SPMIP4: variants seen among roughly 807,000 people sequenced by gnomAD.
SPMIP4 encodes the protein sperm microtubule inner protein 4, also known as sperm-associated microtubule inner protein 4.
At chr7:25,151,839 A>G in the SPMIP4 span, among the ~76,000 whole-genome samples, 1 of 152,174 alleles carries the variant, frequency 6.6e-6, no homozygotes, top group Non-Finnish European at 1.5e-5. Context: ...TTGCTCTTGA[A>G]TTCTTTTTAT....
At chr7:25,167,515 C>T in the SPMIP4 span, among the ~76,000 whole-genome samples, 38 of 152,266 alleles carry the variant, frequency 2.5e-4, no homozygotes, top group East Asian at 5.8e-3. Context: ...GACTGTCAGG[C>T]CTTTTTATTT....
chr7:25,144,385 T>C, the SPMIP4 span, among the ~76,000 whole-genome samples: 4 of 152,372 alleles, frequency 2.6e-5, no homozygotes, highest in African/African-American at 9.6e-5. Flanking sequence ...AGCCAGCCGC[T>C]GGCCCCTGGC....
the SPMIP4 span, among the ~76,000 whole-genome samples, chr7:25,144,767 T>C: frequency 6.6e-6 from 1 of 152,338 alleles, no homozygotes; most frequent in East Asian, 1.9e-4. Flanking sequence ...AGGGTTATGC[T>C]GTTCATAGCA....
the SPMIP4 span, among the ~76,000 whole-genome samples, chr7:25,147,610 T>C: frequency 3.9e-5 from 6 of 152,168 alleles, no homozygotes; most frequent in Non-Finnish European, 8.8e-5. Flanking sequence ...AAACGACATT[T>C]AACACACTGT....
chr7:25,137,409 T>A, the SPMIP4 span, among the ~76,000 whole-genome samples: 1 of 151,980 alleles, frequency 6.6e-6, no homozygotes, highest in Non-Finnish European at 1.5e-5. Context: ...GCGAACCTCA[T>A]GAAACAAGTT....
the SPMIP4 span, among the ~76,000 whole-genome samples, chr7:25,167,305 TTGTC>T: frequency 6.6e-6 from 1 of 152,228 alleles, no homozygotes; most frequent in African/African-American, 2.4e-5. Flanking sequence ...AACTTTATAA[TTGTC>T]TGACCCAAGG....
the SPMIP4 span, among the ~76,000 whole-genome samples, chr7:25,153,815 G>T: frequency 6.6e-6 from 1 of 152,158 alleles, no homozygotes; most frequent in Non-Finnish European, 1.5e-5. Context: ...AGCTAAGCAT[G>T]GTGCTCGATA....
At chr7:25,174,269 T>A in the SPMIP4 span, among the ~76,000 whole-genome samples, 4 of 152,024 alleles carry the variant, frequency 2.6e-5, no homozygotes, top group Non-Finnish European at 5.9e-5. This position sits in a 1 kb window ranked among gnomAD's most constrained non-coding sequence, Gnocchi z 4.5. Flanking sequence ...TCTCTCTCCA[T>A]GTCTCTCTCC....
the SPMIP4 span, chr7:25,179,280 C>T: frequency 6.2e-7 from 1 of 1,613,204 alleles, no homozygotes; most frequent in Non-Finnish European, 8.5e-7. Flanking sequence ...CTCCCTGCAA[C>T]AGTAGGGCCT....
the SPMIP4 span, chr7:25,136,811 AAAG>A: frequency 6.3e-7 from 1 of 1,593,374 alleles, no homozygotes. This position sits in a 1 kb window ranked among gnomAD's most constrained non-coding sequence, Gnocchi z 5.7. Flanking sequence ...TGTGGGATAA[AAAG>A]GAGAAAAAAA....
the SPMIP4 span, among the ~76,000 whole-genome samples, chr7:25,145,924 GT>G: frequency 0.017 from 2,481 of 148,066 alleles, 64 homozygotes; most frequent in African/African-American, 0.056. Context: ...AGCAAATATA[GT>G]TTTTTTTTTT....
At chr7:25,130,556 C>T in the SPMIP4 span, among the ~76,000 whole-genome samples, 5 of 152,156 alleles carry the variant, frequency 3.3e-5, no homozygotes, top group African/African-American at 7.2e-5. Flanking sequence ...TCAGATGTTC[C>T]GCCCACGTCA....
the SPMIP4 span, among the ~76,000 whole-genome samples, chr7:25,140,597 C>T: frequency 2.2e-4 from 32 of 144,234 alleles, no homozygotes; most frequent in South Asian, 4.2e-3. Flanking sequence ...CCACCACGCC[C>T]GGCCCTCAGC....
At chr7:25,159,392 G>A in the SPMIP4 span, among the ~76,000 whole-genome samples, 6 of 152,216 alleles carry the variant, frequency 3.9e-5, no homozygotes, top group South Asian at 8.3e-4. Context: ...TAATTACTCC[G>A]AACCTTGCAT....
At chr7:25,157,148 T>C in the SPMIP4 span, among the ~76,000 whole-genome samples, 2 of 152,184 alleles carry the variant, frequency 1.3e-5, no homozygotes, top group East Asian at 1.9e-4. Context: ...TTGCCAATCT[T>C]AGTAACAAAA....
At chr7:25,179,470 T>A in the SPMIP4 span, 1 of 593,064 alleles carries the variant, frequency 1.7e-6, no homozygotes, top group Non-Finnish European at 2.7e-6. Flanking sequence ...GTCAAATCAG[T>A]AATAAATAGA....
chr7:25,168,275 G>A, the SPMIP4 span: 1 of 1,587,998 alleles, frequency 6.3e-7, no homozygotes, highest in Non-Finnish European at 8.5e-7. Context: ...GTGAATGGCA[G>A]AAAGTTTATT....
chr7:25,130,814 C>T, the SPMIP4 span, among the ~76,000 whole-genome samples: 1 of 152,168 alleles, frequency 6.6e-6, no homozygotes, highest in Non-Finnish European at 1.5e-5. Context: ...TGGCCTATGC[C>T]CAGGAATGAA....
At chr7:25,179,040 C>CAAAA in the SPMIP4 span, 90 of 543,122 alleles carry the variant, frequency 1.7e-4, no homozygotes, top group African/African-American at 2.0e-3. Context: ...GACACCGTCT[C>CAAAA]AAAAACAAAC....
Sources: gnomAD v4.1 joint callset for allele counts (sites outside exome capture counted in the v4.1 genomes callset) on GRCh38, gnomAD v4.1.1 for gene constraint, Gnocchi (gnomAD v3.1) non-coding constraint, MANE v1.5 for transcripts, NCBI Gene and HGNC (gene_info 2026-07-23, HGNC 2026-07-21) for gene names.